The following USP34 variants were observed in gnomAD, a reference collection of about 807,000 sequenced individuals.
USP34 encodes ubiquitin specific peptidase 34, also known as ubiquitin carboxyl-terminal hydrolase 34.
A neutral mutation model predicts 460.3 loss-of-function variants in USP34; 70 were observed. The observed-to-expected ratio is 0.15, with a 90% CI of 0.13 to 0.19. The LOEUF (loss-of-function observed/expected upper bound fraction) is 0.19, where lower values mean the gene tolerates loss of function less well. USP34 is among the 10% of genes least tolerant of loss of function. The pLI is 1.00. For missense variants in USP34, 3,985 were observed against 4,236.2 expected (o/e 0.94, Z 1.65); for synonymous variants, 1,647 against 1,405.3 (o/e 1.17, Z -3.85).
rs545646348 is a variant in USP34, at chr2:61,236,710, A to G, written c.6778-321T>C. Among the ~76,000 whole-genome samples, 9 of 152,304 alleles carry G rather than the reference A, an allele frequency of 5.9e-5. No homozygotes were observed. In the South Asian group the frequency reaches 8.3e-4, roughly 14 times the overall value. ...GAAATATAAGTCATGTTACATTCTG[A>G]TAAGGTTACAAAAGAGAGGTTTACA... On this transcript the variant is annotated intron_variant, in intron 53 of 79. Coordinates refer to ENST00000398571, the MANE Select transcript of USP34 (RefSeq NM_014709.4).
At chr2:61,464,362 G>A (rs1327220404) in intron 1 of USP34, among the ~76,000 whole-genome samples, 1 of 152,052 alleles carries the variant, frequency 6.6e-6, no homozygotes. Context: ...GAATTATTCT[G>A]CAAATACAGA....
At chr2:61,385,671 C>CAAAAAAAAAAAAAAAAAAAAAAAAAA (rs61200102) in intron 5 of USP34, among the ~76,000 whole-genome samples, 1 of 46,002 alleles carries the variant, frequency 2.2e-5, no homozygotes, top group Non-Finnish European at 3.7e-5. Context: ...GACTCTGTCT[C>CAAAAAAAAAAAAAAAAAAAAAAAAAA]AAAAAAAAAA....
intron 49 of USP34, among the ~76,000 whole-genome samples, chr2:61,247,090 G>C (rs1688436173): frequency 6.6e-6 from 1 of 151,874 alleles, no homozygotes; most frequent in Non-Finnish European, 1.5e-5. Flanking sequence ...ACAAAATAAA[G>C]AAAAAGGTAC....
intron 27 of USP34, 64 bp from the exon 28 acceptor site, chr2:61,301,518 A>C (rs1288448073): frequency 9.9e-6 from 14 of 1,418,396 alleles, no homozygotes; most frequent in Non-Finnish European, 1.4e-5. Context: ...GCTGATAAGA[A>C]TATGTAGTTG....
chr2:61,256,449 G>A lies in USP34; in HGVS notation c.6156C>T (p.Asp2052=), dbSNP rs752793353. 1.2e-6 allele frequency: 2 copies of A among 1,609,156 alleles called. No homozygotes were observed. Among genetic ancestry groups the A allele is most frequent in the Admixed American group, 1.7e-5 (1 of 58,882 alleles). ...YESLDEVTIK[D]TLEGDNMYTC... ...TATACATGTTATCACCTTCCAAAGT[G>A]TCTTTTATAGTAACTTCATCAAGAG... The change falls in exon 48 of 80, where the codon GAC becomes GAT. Residue 2052 remains aspartate (D), a synonymous_variant. Coordinates refer to ENST00000398571, the MANE Select transcript of USP34 (RefSeq NM_014709.4).
intron 1 of USP34, among the ~76,000 whole-genome samples, chr2:61,461,724 G>T (rs184138757): frequency 6.6e-6 from 1 of 152,034 alleles, no homozygotes; most frequent in Non-Finnish European, 1.5e-5. Flanking sequence ...GCACGACTAC[G>T]ACTAAAAGAT....
At chr2:61,395,300 A>G in intron 3 of USP34, 67 bp from the exon 4 acceptor site, 3 of 971,556 alleles carry the variant, frequency 3.1e-6, no homozygotes, top group Non-Finnish European at 4.7e-6. Context: ...ATACAATTCT[A>G]TAAAAGACTG....
chr2:61,426,529 C>T (rs1694516295), intron 1 of USP34, among the ~76,000 whole-genome samples: 1 of 151,998 alleles, frequency 6.6e-6, no homozygotes, highest in African/African-American at 2.4e-5. Context: ...GTGAGAAGTA[C>T]CAGTCCTGTG....
intron 27 of USP34, among the ~76,000 whole-genome samples, chr2:61,308,605 T>C (rs1690486370): frequency 6.6e-6 from 1 of 152,130 alleles, no homozygotes; most frequent in Non-Finnish European, 1.5e-5. Context: ...AAAAATATAA[T>C]GTGCCAAACT....
chr2:61,314,797 A>G (rs780482589), intron 24 of USP34, 53 bp from the exon 25 acceptor site: 162 of 1,585,108 alleles, frequency 1.0e-4, no homozygotes, highest in Non-Finnish European at 1.3e-4. Flanking sequence ...TTGTTTAGCT[A>G]TATCAAAGAA....
intron 1 of USP34, among the ~76,000 whole-genome samples, chr2:61,429,455 A>C (rs1351919910): frequency 6.6e-6 from 1 of 152,124 alleles, no homozygotes; most frequent in Non-Finnish European, 1.5e-5. Context: ...TCAAAAAATA[A>C]AATAAGATAA....
Position 61,471,016 on chromosome 2 carries a change from G to A in USP34, c.-324C>T, listed in dbSNP as rs1695946310. ...GGGGCGGGTGGGGAGAGAAGCAGCA[G>A]AGTCACTTCACCGACCAGACGCCGC... On this transcript the variant is annotated 5_prime_UTR_variant, in exon 1 of 80. Transcript: ENST00000398571. 6.6e-6 allele frequency among the ~76,000 whole-genome samples: 1 copy of A among 150,976 alleles called. No individual in the cohort carries two copies. The highest frequency in any genetic ancestry group is 2.4e-5 in the African/African-American group (1 of 41,248).
intron 27 of USP34, among the ~76,000 whole-genome samples, chr2:61,306,018 C>A (rs1166946605): frequency 6.6e-6 from 1 of 152,208 alleles, no homozygotes; most frequent in Non-Finnish European, 1.5e-5. Flanking sequence ...AAATTTCCTC[C>A]CATTCTGTAG....
chr2:61,438,369 T>C (rs542823815), intron 1 of USP34, among the ~76,000 whole-genome samples: 4 of 152,148 alleles, frequency 2.6e-5, no homozygotes, highest in African/African-American at 9.6e-5. Flanking sequence ...TCCCAGCACT[T>C]TGGGAGGCCA....
intron 67 of USP34, among the ~76,000 whole-genome samples, chr2:61,219,805 TTTTTTTG>T (rs1558472698): frequency 3.9e-5 from 6 of 152,210 alleles, no homozygotes; most frequent in Admixed American, 3.9e-4. Flanking sequence ...TAAATTTTCA[TTTTTTTG>T]AACTATCAAA....
chr2:61,367,704 A>G (rs1243313056), intron 10 of USP34, among the ~76,000 whole-genome samples: 1 of 152,172 alleles, frequency 6.6e-6, no homozygotes, highest in Non-Finnish European at 1.5e-5. Flanking sequence ...TATAATAGCA[A>G]TAAAAAACAA....
At chr2:61,465,857 G>T (rs1011760834) in intron 1 of USP34, among the ~76,000 whole-genome samples, 8 of 151,838 alleles carry the variant, frequency 5.3e-5, no homozygotes, top group African/African-American at 1.9e-4. Context: ...GGCGCCTGTA[G>T]TTCCAGCTCC....
At chr2:61,193,567 A>G (rs1431727817) in intron 75 of USP34, among the ~76,000 whole-genome samples, 2 of 152,066 alleles carry the variant, frequency 1.3e-5, no homozygotes, top group Non-Finnish European at 2.9e-5. Flanking sequence ...ACCTCTATGA[A>G]TTTACTTCTC....
At chr2:61,243,524 C>CT (rs1390635299) in intron 51 of USP34, among the ~76,000 whole-genome samples, 29 of 149,900 alleles carry the variant, frequency 1.9e-4, no homozygotes, top group African/African-American at 6.4e-4. Context: ...TGAAAAACTA[C>CT]TTTTTAAGAG....
Sources: gnomAD v4.1 joint callset for allele counts (sites outside exome capture counted in the v4.1 genomes callset) on GRCh38, gnomAD v4.1.1 for gene constraint, MANE v1.5 for transcripts, NCBI Gene and HGNC (gene_info 2026-07-23, HGNC 2026-07-21) for gene names.